Variants in CCSER1 observed in about 807,000 individuals in gnomAD.
CCSER1 encodes coiled-coil serine rich protein 1, also known as serine-rich coiled-coil domain-containing protein 1.
In CCSER1, 41 loss-of-function variants were observed where a neutral mutation model predicts 82.0. That is an observed-to-expected ratio of 0.50 (90% CI 0.39 to 0.65). CCSER1 has a LOEUF of 0.65. Among genes scored for constraint, CCSER1 ranks in the 30% least tolerant of loss-of-function variants. The pLI is 0.00. For synonymous variants in CCSER1, 414 were observed against 383.9 expected (o/e 1.08, Z -0.92); for missense variants, 1,119 against 1,064.2 (o/e 1.05, Z -0.72).
intron 8 of CCSER1, among the ~76,000 whole-genome samples, chr4:90,863,310 A>G (rs1184184019): frequency 6.6e-6 from 1 of 151,948 alleles, no homozygotes; most frequent in Non-Finnish European, 1.5e-5. Context: ...TTATTTTATT[A>G]ACATCTTTTT....
rs143031456 is a variant in CCSER1 at position 91,449,375 on chromosome 4, A to C, written c.2218-149197A>C. Among the ~76,000 whole-genome samples, 1,025 of 152,218 alleles carry C rather than the reference A, an allele frequency of 6.7e-3. 4 individuals carry two copies. The highest frequency in any genetic ancestry group is 0.02 in the Middle Eastern group (6 of 294). Reference sequence around the variant, plus strand: ...TTGACACCTAATTTTGAAGTTAAAAATTTGATATATGAAATCCAAATGAAT... The same window carrying C: ...TTGACACCTAATTTTGAAGTTAAAACTTTGATATATGAAATCCAAATGAAT... On this transcript the variant is annotated intron_variant, in intron 10 of 10. Transcript: ENST00000509176.
chr4:91,522,060 A>AG (rs1760502642), intron 10 of CCSER1, among the ~76,000 whole-genome samples: 1 of 152,208 alleles, frequency 6.6e-6, no homozygotes, highest in Non-Finnish European at 1.5e-5. Context: ...TTTTTGTATA[A>AG]GGTGAAAGGA....
intron 9 of CCSER1, among the ~76,000 whole-genome samples, chr4:90,939,123 C>A (rs925677998): frequency 6.6e-6 from 1 of 152,116 alleles, no homozygotes; most frequent in Non-Finnish European, 1.5e-5. Flanking sequence ...TAGATTAGAT[C>A]AGTTTGAAAA....
At chr4:91,028,779 T>C (rs1740716030) in intron 9 of CCSER1, among the ~76,000 whole-genome samples, 1 of 151,992 alleles carries the variant, frequency 6.6e-6, no homozygotes, top group Non-Finnish European at 1.5e-5. Flanking sequence ...CCCATGGATC[T>C]GAAAAAATTA....
intron 10 of CCSER1, among the ~76,000 whole-genome samples, chr4:91,109,146 C>A (rs945764348): frequency 6.6e-6 from 1 of 152,132 alleles, no homozygotes; most frequent in Admixed American, 6.5e-5. Context: ...TTACAGCATC[C>A]ATTTCCCTAG....
In CCSER1 at chr4:91,487,716, C is replaced by T. The variant is rs116830324; in HGVS notation, c.2218-110856C>T. On this transcript the variant is annotated intron_variant, in intron 10 of 10. Transcript: ENST00000509176. The stretch of plus-strand genomic sequence containing the variant: ...TAAATGGAATTCATTCATATCAATT[C>T]ATTCACTTGAATATCACTAAATTTG... Among the ~76,000 whole-genome samples the T allele has an allele frequency of 8.0e-3, 1,224 of 152,116 alleles. 15 individuals are homozygous for T. Among genetic ancestry groups the T allele is most frequent in the African/African-American group, 0.028 (1,172 of 41,554 alleles).
At position 90,271,890 on chromosome 4, in the gene CCSER1, T is replaced by TTTAA. The variant is rs1553982851; in HGVS notation, c.-41-36354_-41-36353insTTAA. On this transcript the variant is annotated intron_variant, in intron 1 of 10. Coordinates refer to ENST00000509176, the MANE Select transcript of CCSER1 (RefSeq NM_001145065.2). Reference sequence around the variant, plus strand: ...TTTTTTTTTTTTTTTTTTTTTTTTTTAAAAGGAGGTTTAATTGACTCACAG... The same window carrying TTTAA: ...TTTTTTTTTTTTTTTTTTTTTTTTTTTTAAAAAAGGAGGTTTAATTGACTCACAG... 5.7e-5 allele frequency among the ~76,000 whole-genome samples: 4 copies of TTTAA among 70,124 alleles called. 1 individual carries two copies. The highest frequency in any genetic ancestry group is 1.6e-4 in the African/African-American group (3 of 18,270). 46.0% of individuals were successfully genotyped at this position (70,124 alleles called of 152,430 possible).
At chr4:90,424,955 A>G (rs1757323251) in intron 4 of CCSER1, among the ~76,000 whole-genome samples, 1 of 152,170 alleles carries the variant, frequency 6.6e-6, no homozygotes, top group Non-Finnish European at 1.5e-5. Context: ...TCTACTTTTT[A>G]CCTGTTCTTA....
intron 8 of CCSER1, among the ~76,000 whole-genome samples, chr4:90,848,057 T>C (rs1424995216): frequency 6.6e-6 from 1 of 152,202 alleles, no homozygotes; most frequent in African/African-American, 2.4e-5. Context: ...AAGCAAATTA[T>C]TGTGGATTTT....
intron 10 of CCSER1, among the ~76,000 whole-genome samples, chr4:91,297,314 GA>G (rs971741207): frequency 2.0e-5 from 3 of 150,926 alleles, no homozygotes; most frequent in Non-Finnish European, 4.4e-5. Flanking sequence ...TTTCCCCAAA[GA>G]AAAAAGTAAA....
At chr4:90,989,730 C>T (rs1181546226) in intron 9 of CCSER1, among the ~76,000 whole-genome samples, 1 of 151,610 alleles carries the variant, frequency 6.6e-6, no homozygotes, top group East Asian at 2.0e-4. Flanking sequence ...TGGGTTAGAG[C>T]TTCAGATAGT....
At chr4:90,740,278 CT>C (rs761253321) in intron 7 of CCSER1, among the ~76,000 whole-genome samples, 20 of 151,874 alleles carry the variant, frequency 1.3e-4, no homozygotes, top group Non-Finnish European at 2.4e-4. Context: ...ATATTTTTTT[CT>C]CTTGGTTCAG....
chr4:90,632,639 TG>T (rs1191258039), intron 6 of CCSER1, among the ~76,000 whole-genome samples: 1 of 152,126 alleles, frequency 6.6e-6, no homozygotes, highest in Non-Finnish European at 1.5e-5. Flanking sequence ...AACCTGTCTT[TG>T]GCCCAAGCAT....
chr4:90,267,627 C>A (rs890374765), intron 1 of CCSER1, among the ~76,000 whole-genome samples: 1 of 152,150 alleles, frequency 6.6e-6, no homozygotes, highest in African/African-American at 2.4e-5. Context: ...CAGCTGCAGG[C>A]AGCTGAGCAC....
intron 8 of CCSER1, among the ~76,000 whole-genome samples, chr4:90,859,617 A>G (rs1023734227): frequency 1.1e-4 from 17 of 151,944 alleles, no homozygotes; most frequent in African/African-American, 4.1e-4. Flanking sequence ...TATGATTAAT[A>G]TAGCTATTTA....
intron 6 of CCSER1, among the ~76,000 whole-genome samples, chr4:90,698,897 G>T (rs1180820383): frequency 6.6e-6 from 1 of 152,058 alleles, no homozygotes; most frequent in Non-Finnish European, 1.5e-5. Flanking sequence ...TTGAGACTAG[G>T]AGTTTGAGAA....
intron 10 of CCSER1, among the ~76,000 whole-genome samples, chr4:91,578,963 A>C (rs1316576762): frequency 6.6e-6 from 1 of 151,794 alleles, no homozygotes; most frequent in Non-Finnish European, 1.5e-5. Context: ...CACATCAGAG[A>C]AATCACAAAT....
intron 1 of CCSER1, 98 bp from the exon 2 acceptor site, chr4:90,308,146 A>G: frequency 2.1e-6 from 2 of 939,544 alleles, no homozygotes; most frequent in South Asian, 4.5e-5. Context: ...TATAAACTAA[A>G]TTCTATTTTG....
chr4:90,586,388 A>C (rs1020947259), intron 5 of CCSER1, among the ~76,000 whole-genome samples: 3 of 152,212 alleles, frequency 2.0e-5, no homozygotes, highest in African/African-American at 7.2e-5. Flanking sequence ...GATCTATTAT[A>C]ATTTGCTAAA....
Sources: gnomAD v4.1 joint callset for allele counts (sites outside exome capture counted in the v4.1 genomes callset) on GRCh38, gnomAD v4.1.1 for gene constraint, MANE v1.5 for transcripts, NCBI Gene and HGNC (gene_info 2026-07-23, HGNC 2026-07-21) for gene names.